Variants in DTNB observed in about 807,000 individuals in gnomAD.
DTNB encodes dystrobrevin beta.
A neutral mutation model predicts 90.7 loss-of-function variants in DTNB; 63 were observed. The observed-to-expected ratio is 0.69, with a 90% confidence interval of 0.57 to 0.86. The LOEUF (loss-of-function observed/expected upper bound fraction) is 0.86, where lower values mean the gene tolerates loss of function less well. Among genes scored for constraint, DTNB ranks in the 40% least tolerant of loss-of-function variants. The pLI is 0.00. For synonymous variants in DTNB, 277 were observed against 286.7 expected (o/e 0.97, Z 0.34); for missense variants, 744 against 807.1 (o/e 0.92, Z 0.95).
At chr2:25,603,158 T>G (rs1349015372) in intron 5 of DTNB, among the ~76,000 whole-genome samples, 1 of 152,224 alleles carries the variant, frequency 6.6e-6, no homozygotes, top group East Asian at 1.9e-4. Context: ...TGCAACCAGA[T>G]GCAATTTGAA....
chr2:25,439,652 G>C (rs999302631), intron 12 of DTNB, among the ~76,000 whole-genome samples: 1 of 152,140 alleles, frequency 6.6e-6, no homozygotes, highest in Non-Finnish European at 1.5e-5. Context: ...TAGTAGGAGA[G>C]GAATGAAAGT....
intron 8 of DTNB, among the ~76,000 whole-genome samples, chr2:25,543,017 A>G (rs887282158): frequency 2.0e-5 from 3 of 152,134 alleles, no homozygotes; most frequent in South Asian, 4.1e-4. Context: ...TTTAATTTAT[A>G]TATCTGTAGA....
intron 12 of DTNB, among the ~76,000 whole-genome samples, chr2:25,441,432 G>A (rs2057360809): frequency 2.0e-5 from 3 of 152,144 alleles, no homozygotes; most frequent in Non-Finnish European, 4.4e-5. Flanking sequence ...GTCACATTCT[G>A]AATATTATCC....
At chr2:25,447,321 G>A (rs1182881267) in intron 12 of DTNB, among the ~76,000 whole-genome samples, 2 of 152,088 alleles carry the variant, frequency 1.3e-5, no homozygotes, top group African/African-American at 4.8e-5. Flanking sequence ...CAGGTGCCTT[G>A]GGGTTAGTTT....
chr2:25,568,068 G>A (rs10469883), intron 8 of DTNB, among the ~76,000 whole-genome samples: 230 of 151,844 alleles, frequency 1.5e-3, no homozygotes, highest in African/African-American at 5.5e-3. Flanking sequence ...TGAAGCAGGA[G>A]AATCGCTTGA....
intron 8 of DTNB, among the ~76,000 whole-genome samples, chr2:25,542,351 C>T (rs1411554576): frequency 6.6e-6 from 1 of 152,174 alleles, no homozygotes; most frequent in African/African-American, 2.4e-5. Flanking sequence ...AGAATACACC[C>T]TTAATTGCTG....
Position 25,388,263 on chromosome 2 carries a change from G to T in DTNB, c.1674C>A (p.Thr558=). The change falls in exon 17 of 21, where the codon ACC becomes ACA. Residue 558 remains threonine (T), a synonymous_variant. Transcript: ENST00000406818. ...CGCTCAGCGAGTCCTGCGGACAGTGGGTGGGGGTGGAGCCGGCAGACGTGG... is the reference window on the plus strand; with the variant it reads ...CGCTCAGCGAGTCCTGCGGACAGTGTGTGGGGGTGGAGCCGGCAGACGTGG... ...VRSTSAGSTP[T]HCPQDSLSGV... 1 of 1,609,772 alleles carries T rather than the reference G, an allele frequency of 6.2e-7. No individual in the cohort carries two copies. Among genetic ancestry groups the T allele is most frequent in the Non-Finnish European group, 8.5e-7 (1 of 1,178,436 alleles).
intron 16 of DTNB, among the ~76,000 whole-genome samples, chr2:25,412,282 G>A (rs1338968470): frequency 6.6e-6 from 1 of 152,160 alleles, no homozygotes; most frequent in Non-Finnish European, 1.5e-5. Context: ...ATAGCTGTAG[G>A]TGGGTATTTG....
At chr2:25,631,537 C>T (rs2148745403) in intron 3 of DTNB, among the ~76,000 whole-genome samples, 1 of 147,788 alleles carries the variant, frequency 6.8e-6, no homozygotes, top group South Asian at 2.1e-4. Flanking sequence ...TGTGTCACTG[C>T]ACTTCAACCT....
At chr2:25,647,664 T>C (rs1459712579) in intron 2 of DTNB, among the ~76,000 whole-genome samples, 16 of 152,096 alleles carry the variant, frequency 1.1e-4, no homozygotes. Flanking sequence ...CGCTTGAGCC[T>C]TGGAGTTCAA....
At chr2:25,417,853 C>T (rs1323725966) in intron 16 of DTNB, among the ~76,000 whole-genome samples, 1 of 152,280 alleles carries the variant, frequency 6.6e-6, no homozygotes, top group Non-Finnish European at 1.5e-5. Flanking sequence ...ACTCATTTGT[C>T]TACTTGGGGG....
chr2:25,623,820 G>T (rs1262136523), intron 4 of DTNB, among the ~76,000 whole-genome samples: 1 of 151,992 alleles, frequency 6.6e-6, no homozygotes, highest in Non-Finnish European at 1.5e-5. Flanking sequence ...AGTACAAAAA[G>T]AACCACAGGA....
intron 8 of DTNB, among the ~76,000 whole-genome samples, chr2:25,568,637 T>C (rs1032277851): frequency 6.6e-6 from 1 of 152,240 alleles, no homozygotes; most frequent in Admixed American, 6.5e-5. Flanking sequence ...TAATAATCAC[T>C]ATGGTTAAAT....
At chr2:25,591,080 G>A (rs926161255) in intron 6 of DTNB, among the ~76,000 whole-genome samples, 5 of 152,240 alleles carry the variant, frequency 3.3e-5, no homozygotes, top group Non-Finnish European at 7.3e-5. Flanking sequence ...AACAGTGCCC[G>A]AGCTCGGCCT....
At chr2:25,386,231 G>A (rs2039435204) in intron 18 of DTNB, 1 of 462,276 alleles carries the variant, frequency 2.2e-6, no homozygotes, top group Non-Finnish European at 2.8e-6. Flanking sequence ...GCAGACTTGA[G>A]AGCAGAGCTG....
Position 25,531,519 on chromosome 2 carries a change from C to T in DTNB, c.955G>A (p.Val319Ile), listed in dbSNP as rs777193898. 1 of 1,613,822 alleles carries T rather than the reference C, an allele frequency of 6.2e-7. No individual in the cohort carries two copies. Among genetic ancestry groups the T allele is most frequent in the Non-Finnish European group, 8.5e-7 (1 of 1,179,876 alleles). ...GGTTTCTCTGGTTGCTCAGGAAAAA[C>T]AGGATGCGGGGGTTCTCTCGTGGGT... ...CVPTREPPHP[V>I]FPEQPEKPLD... The change falls in exon 9 of 21, where the codon GTT (valine) becomes ATT (isoleucine). Residue 319 changes from valine (V) to isoleucine (I), a missense_variant. By Grantham distance (29) the Val-to-Ile change is conservative (BLOSUM62 3). Coordinates refer to ENST00000406818, the MANE Select transcript of DTNB (RefSeq NM_021907.5).
intron 1 of DTNB, among the ~76,000 whole-genome samples, 193 bp downstream of exon 1, chr2:25,673,193 T>C (rs1260024736): frequency 6.6e-6 from 1 of 151,316 alleles, no homozygotes; most frequent in Non-Finnish European, 1.5e-5. Flanking sequence ...AGCCGCGCCG[T>C]CCCACCTCGC....
At chr2:25,483,152 G>A (rs924802487) in intron 9 of DTNB, among the ~76,000 whole-genome samples, 1 of 152,232 alleles carries the variant, frequency 6.6e-6, no homozygotes, top group Admixed American at 6.5e-5. Context: ...GGGCCACTGA[G>A]CTGTGGGTAC....
At chr2:25,441,329 CT>C (rs1158651427) in intron 12 of DTNB, among the ~76,000 whole-genome samples, 1 of 152,224 alleles carries the variant, frequency 6.6e-6, no homozygotes, top group Admixed American at 6.5e-5. Flanking sequence ...AGAGAATTCA[CT>C]TGCTTCTAGG....
Sources: allele counts gnomAD v4.1 joint callset (sites outside exome capture counted in the v4.1 genomes callset), GRCh38; gene constraint gnomAD v4.1.1; transcripts MANE v1.5; gene names NCBI Gene and HGNC (gene_info 2026-07-23, HGNC 2026-07-21).